CGNL1: variants seen among roughly 807,000 people sequenced by gnomAD.
CGNL1 encodes cingulin-like protein 1.
A neutral mutation model predicts 141.2 loss-of-function variants in CGNL1; 132 were observed. That is an observed-to-expected ratio of 0.93 (90% confidence interval 0.81 to 1.08). The LOEUF (loss-of-function observed/expected upper bound fraction) is 1.08, where lower values mean the gene tolerates loss of function less well. Among genes scored for constraint, CGNL1 ranks in the 50% least tolerant of loss-of-function variants. CGNL1 has a pLI of 0.00. For synonymous variants in CGNL1, 690 were observed against 622.1 expected (o/e 1.11, Z -1.63); for missense variants, 1,870 against 1,588.6 (o/e 1.18, Z -3.01).
chr15:57,462,986 G>T (rs564901470), intron 8 of CGNL1, among the ~76,000 whole-genome samples: 1 of 152,216 alleles, frequency 6.6e-6, no homozygotes, highest in South Asian at 2.1e-4. Flanking sequence ...CTGTGCACCA[G>T]CCTGGTATCC....
At chr15:57,405,798 CTTT>C (rs1478982533) in intron 1 of CGNL1, among the ~76,000 whole-genome samples, 10 of 125,724 alleles carry the variant, frequency 8.0e-5, no homozygotes, top group South Asian at 5.4e-4. Context: ...TTCTTTCTTT[CTTT>C]CTTTCTTTCC....
intron 1 of CGNL1, among the ~76,000 whole-genome samples, chr15:57,414,102 A>G (rs2062822915): frequency 6.6e-6 from 1 of 152,114 alleles, no homozygotes; most frequent in Non-Finnish European, 1.5e-5. Flanking sequence ...TTTTTTGTAA[A>G]CCAGACTCTT....
chr15:57,502,198 T>C (rs1428008844), intron 8 of CGNL1, among the ~76,000 whole-genome samples: 1 of 151,960 alleles, frequency 6.6e-6, no homozygotes, highest in African/African-American at 2.4e-5. Flanking sequence ...TGAGGGTGGG[T>C]TTTAAGTTTT....
intron 1 of CGNL1, among the ~76,000 whole-genome samples, chr15:57,409,152 G>A (rs1420880376): frequency 1.3e-5 from 2 of 152,116 alleles, no homozygotes; most frequent in African/African-American, 2.4e-5. Flanking sequence ...ACACGCGTGT[G>A]TGCTGAGGGA....
chr15:57,396,277 G>GTTTTTTTTTTTT (rs57154500), intron 1 of CGNL1, among the ~76,000 whole-genome samples: 1 of 129,216 alleles, frequency 7.7e-6, no homozygotes, highest in African/African-American at 3.0e-5. Context: ...TTCTTTCTTT[G>GTTTTTTTTTTTT]TTTTTTTTTT....
intron 8 of CGNL1, among the ~76,000 whole-genome samples, chr15:57,500,410 C>T (rs79237046): frequency 0.036 from 5,425 of 152,232 alleles, 154 homozygotes; most frequent in Middle Eastern, 0.11. Context: ...ATCAACTTCC[C>T]GCCACGGCTG....
intron 4 of CGNL1, among the ~76,000 whole-genome samples, chr15:57,443,664 A>G (rs944564953): frequency 6.6e-6 from 1 of 152,214 alleles, no homozygotes; most frequent in African/African-American, 2.4e-5. Context: ...GGGAATCTTT[A>G]CACCATAGTC....
rs5812892 is a variant in CGNL1, at chr15:57,391,973, TC to T, written c.-16+15414del. On this transcript the variant is annotated intron_variant, in intron 1 of 18. Coordinates refer to ENST00000281282, the MANE Select transcript of CGNL1 (RefSeq NM_032866.5). ...AAATAAACACCTTCACATTTTTCTT[TC>T]CCCCCCCTCACCTGACACCATCACA... Among the ~76,000 whole-genome samples, 32 of 149,580 alleles carry T rather than the reference TC, an allele frequency of 2.1e-4. 1 individual carries two copies. Among genetic ancestry groups the T allele is most frequent in the African/African-American group, 7.7e-4 (31 of 40,496 alleles).
intron 1 of CGNL1, among the ~76,000 whole-genome samples, chr15:57,399,336 A>G (rs907855155): frequency 2.6e-5 from 4 of 152,202 alleles, no homozygotes; most frequent in Non-Finnish European, 5.9e-5. Context: ...CCTAGCCTCT[A>G]ATAACCATGA....
intron 10 of CGNL1, among the ~76,000 whole-genome samples, chr15:57,523,182 G>A (rs1427184248): frequency 6.6e-6 from 1 of 152,196 alleles, no homozygotes; most frequent in Non-Finnish European, 1.5e-5. Context: ...GAACATTCAG[G>A]TTTTCAGACA....
chr15:57,385,855 T>G (rs1238853164), intron 1 of CGNL1, among the ~76,000 whole-genome samples: 1 of 152,234 alleles, frequency 6.6e-6, no homozygotes. Context: ...CTAAATATCC[T>G]TTGATTCAAA....
At chr15:57,487,868 T>C (rs73421847) in intron 8 of CGNL1, among the ~76,000 whole-genome samples, 3,013 of 152,316 alleles carry the variant, frequency 0.02, 101 homozygotes, top group African/African-American at 0.068. Context: ...GATATAGTTT[T>C]CGAGTATACA....
chr15:57,452,812 C>G (rs1282447234), intron 6 of CGNL1, among the ~76,000 whole-genome samples: 2 of 152,046 alleles, frequency 1.3e-5, no homozygotes, highest in East Asian at 3.9e-4. Flanking sequence ...AAACCAAGGT[C>G]TAAGAATAAA....
intron 1 of CGNL1, among the ~76,000 whole-genome samples, chr15:57,412,843 C>T (rs1230109393): frequency 6.6e-6 from 1 of 152,124 alleles, no homozygotes; most frequent in African/African-American, 2.4e-5. Flanking sequence ...TACCCAGTGC[C>T]ATCTCTTAGT....
At chr15:57,523,437 G>A in intron 10 of CGNL1, 52 bp from the exon 11 acceptor site, 2 of 1,595,324 alleles carry the variant, frequency 1.3e-6, no homozygotes, top group Non-Finnish European at 1.7e-6. Context: ...ACCCGTTCCT[G>A]TGGCTACCTG....
At chr15:57,512,480 A>G (rs1360344392) in intron 8 of CGNL1, among the ~76,000 whole-genome samples, 1 of 152,194 alleles carries the variant, frequency 6.6e-6, no homozygotes, top group African/African-American at 2.4e-5. Context: ...GTGAAGACAT[A>G]GAGAAAAACA....
At chr15:57,534,288 G>A (rs1485277052) in intron 14 of CGNL1, among the ~76,000 whole-genome samples, 1 of 152,190 alleles carries the variant, frequency 6.6e-6, no homozygotes, top group Non-Finnish European at 1.5e-5. Flanking sequence ...CCTGGTGTTT[G>A]TTATAAGTGG....
At chr15:57,515,513 G>T (rs577555724) in intron 8 of CGNL1, among the ~76,000 whole-genome samples, 1 of 152,084 alleles carries the variant, frequency 6.6e-6, no homozygotes, top group Non-Finnish European at 1.5e-5. Context: ...TTCTTTTATC[G>T]CAGGCGTCTG....
chr15:57,535,309 T>C (rs1378117833), intron 14 of CGNL1, among the ~76,000 whole-genome samples: 1 of 152,208 alleles, frequency 6.6e-6, no homozygotes, highest in African/African-American at 2.4e-5. Context: ...TGCTACAGTT[T>C]GTTTGAGGAG....
Sources: gnomAD v4.1 joint callset for allele counts (sites outside exome capture counted in the v4.1 genomes callset) on GRCh38, gnomAD v4.1.1 for gene constraint, MANE v1.5 for transcripts, NCBI Gene and HGNC (gene_info 2026-07-23, HGNC 2026-07-21) for gene names.